FRMPD4: variants seen among roughly 807,000 people sequenced by gnomAD.
FRMPD4 encodes FERM and PDZ domain-containing protein 4.
A neutral mutation model predicts 94.1 loss-of-function variants in FRMPD4; 22 were observed. The ratio of observed to expected loss-of-function variants is 0.23; its 90% CI spans 0.17 to 0.33. The LOEUF (loss-of-function observed/expected upper bound fraction) is 0.33, where lower values mean the gene tolerates loss of function less well. FRMPD4 is among the 10% of genes least tolerant of loss of function. The pLI, the probability that FRMPD4 is intolerant of heterozygous loss-of-function variation, is 1.00. For missense variants in FRMPD4, 1,111 were observed against 1,339.9 expected (o/e 0.83, Z 2.67); for synonymous variants, 631 against 548.6 (o/e 1.15, Z -2.10).
intron 1 of FRMPD4, among the ~76,000 whole-genome samples, chrX:12,150,236 T>A (rs2055829108): frequency 8.9e-6 from 1 of 112,255 alleles, no homozygotes; most frequent in African/African-American, 3.2e-5. Context: ...AACCATACTG[T>A]ATTCCACATG....
At chrX:12,702,829 C>T (rs2041811917) in intron 10 of FRMPD4, among the ~76,000 whole-genome samples, 1 of 112,205 alleles carries the variant, frequency 8.9e-6, no homozygotes, top group African/African-American at 3.2e-5. Context: ...CAGTTCACTC[C>T]TTCCAGATGC....
At chrX:11,870,862 G>C (rs1243703865) in intron 2 of FRMPD4, among the ~76,000 whole-genome samples, 1 of 112,441 alleles carries the variant, frequency 8.9e-6, no homozygotes, top group African/African-American at 3.2e-5. Flanking sequence ...GATTAACTTG[G>C]AGGTCTTACT....
chrX:12,628,618 A>G (rs2059368354), intron 4 of FRMPD4, among the ~76,000 whole-genome samples: 1 of 112,670 alleles, frequency 8.9e-6, no homozygotes, highest in Non-Finnish European at 1.9e-5. Flanking sequence ...CTTCAAGGCT[A>G]TCTGGGGGTT....
intron 4 of FRMPD4, among the ~76,000 whole-genome samples, chrX:12,651,264 G>C (rs777118957): frequency 1.8e-5 from 2 of 110,793 alleles, no homozygotes; most frequent in Non-Finnish European, 3.8e-5. Context: ...TACTTTAAAT[G>C]AGCTATTTCT....
intron 1 of FRMPD4, among the ~76,000 whole-genome samples, chrX:12,440,992 A>T (rs2057129941): frequency 8.9e-6 from 1 of 112,323 alleles, no homozygotes; most frequent in Non-Finnish European, 1.9e-5. Flanking sequence ...TTGTTCTAGT[A>T]GTTCTAACTA....
chrX:12,662,636 A>C (rs1254835552), intron 4 of FRMPD4, among the ~76,000 whole-genome samples: 1 of 112,339 alleles, frequency 8.9e-6, no homozygotes, highest in Non-Finnish European at 1.9e-5. Flanking sequence ...AGCCTTTGCA[A>C]TTGTGAACAG....
chrX:12,327,183 C>T (rs1340378033), intron 1 of FRMPD4, among the ~76,000 whole-genome samples: 2 of 111,820 alleles, frequency 1.8e-5, no homozygotes, highest in African/African-American at 6.5e-5. Context: ...ATGGGAAAAA[C>T]ATGAATATGT....
At chrX:12,707,369 C>A in intron 12 of FRMPD4, 100 bp from the exon 13 acceptor site, 1 of 689,891 alleles carries the variant, frequency 1.4e-6, no homozygotes. Flanking sequence ...GAAACACTTT[C>A]TAAAGAAAAT....
At chrX:12,200,139 C>A (rs921038406) in intron 1 of FRMPD4, among the ~76,000 whole-genome samples, 3 of 112,112 alleles carry the variant, frequency 2.7e-5, no homozygotes, top group Non-Finnish European at 3.8e-5. Flanking sequence ...AATTTCTAAT[C>A]TTATGGCTAA....
chrX:12,447,618 C>G, intron 1 of FRMPD4, among the ~76,000 whole-genome samples: 1 of 112,042 alleles, frequency 8.9e-6, no homozygotes, highest in Non-Finnish European at 1.9e-5. Flanking sequence ...GGTTTATGGT[C>G]TTTTATATTT....
intron 1 of FRMPD4, among the ~76,000 whole-genome samples, chrX:12,164,765 T>C (rs1436881922): frequency 8.9e-6 from 1 of 112,563 alleles, no homozygotes; most frequent in Admixed American, 9.3e-5. Flanking sequence ...TGGTATCTCA[T>C]TGTGGTTTTT....
chrX:11,925,884 C>T (rs944569829), intron 3 of FRMPD4, among the ~76,000 whole-genome samples: 4 of 110,014 alleles, frequency 3.6e-5, no homozygotes, highest in Admixed American at 9.6e-5. Flanking sequence ...AGCTAGCAGA[C>T]GACAATCCGA....
At chrX:12,360,159 T>C (rs2055962498) in intron 1 of FRMPD4, among the ~76,000 whole-genome samples, 1 of 112,735 alleles carries the variant, frequency 8.9e-6, no homozygotes, top group Non-Finnish European at 1.9e-5. Flanking sequence ...CTGTACATAC[T>C]GCACTATACC....
intron 1 of FRMPD4, among the ~76,000 whole-genome samples, chrX:12,273,090 G>GAAAAAA (rs771581382): frequency 9.4e-6 from 1 of 106,681 alleles, no homozygotes; most frequent in Non-Finnish European, 1.9e-5. Context: ...AAAAAAAAAA[G>GAAAAAA]AAAAAAAAAT....
In FRMPD4 at chrX:12,267,040, G is replaced by A. The variant is rs145267688; in HGVS notation, c.41+128028G>A. 6.7e-3 allele frequency among the ~76,000 whole-genome samples: 753 copies of A among 112,114 alleles called. 3 individuals are homozygous for A. The highest frequency in any genetic ancestry group is 0.016 in the African/African-American group (489 of 30,891). ...GTCAAAATCATATCCAAAAATGCTG[G>A]CAACACAGCATATTGTACAGTGTTA... On this transcript the variant is annotated intron_variant, in intron 1 of 16. Coordinates refer to ENST00000675598, the MANE Select transcript of FRMPD4 (RefSeq NM_001368397.1).
chrX:12,304,985 G>A (rs2054915127), intron 1 of FRMPD4, among the ~76,000 whole-genome samples: 1 of 112,034 alleles, frequency 8.9e-6, no homozygotes, highest in African/African-American at 3.3e-5. Context: ...ATTAGGGGTA[G>A]TGAAGATTGG....
intron 3 of FRMPD4, among the ~76,000 whole-genome samples, chrX:12,094,385 A>G (rs2055180908): frequency 8.9e-6 from 1 of 112,251 alleles, no homozygotes; most frequent in South Asian, 3.7e-4. Context: ...CAAATTCTGG[A>G]ACAGGCAGAG....
chrX:11,876,300 T>C (rs1373784426), intron 2 of FRMPD4, among the ~76,000 whole-genome samples: 1 of 111,547 alleles, frequency 9.0e-6, no homozygotes, highest in Non-Finnish European at 1.9e-5. Flanking sequence ...GTTCTCAGCA[T>C]TGAATTTAAG....
At chrX:12,484,334 A>G (rs1166732135) in intron 1 of FRMPD4, among the ~76,000 whole-genome samples, 1 of 112,133 alleles carries the variant, frequency 8.9e-6, no homozygotes, top group African/African-American at 3.2e-5. Context: ...CAGCCCATAA[A>G]CCAGCATGCC....
Sources: gnomAD v4.1 joint callset for allele counts (sites outside exome capture counted in the v4.1 genomes callset) on GRCh38, gnomAD v4.1.1 for gene constraint, MANE v1.5 for transcripts, NCBI Gene and HGNC (gene_info 2026-07-23, HGNC 2026-07-21) for gene names.